CSRNP3: variants seen among roughly 807,000 people sequenced by gnomAD.
CSRNP3 encodes cysteine and serine rich nuclear protein 3, also known as cysteine/serine-rich nuclear protein 3.
In CSRNP3, 12 loss-of-function variants were observed where a neutral mutation model predicts 48.0. That is an observed-to-expected ratio of 0.25 (90% CI 0.16 to 0.41). CSRNP3 has a LOEUF of 0.41. CSRNP3 is among the 10% of genes least tolerant of loss of function. The pLI, the probability that CSRNP3 is intolerant of heterozygous loss-of-function variation, is 1.00. For synonymous variants in CSRNP3, 263 were observed against 269.7 expected, an observed-to-expected ratio of 0.98 and a Z score of 0.24; for missense variants, 580 against 724.4, an observed-to-expected ratio of 0.80 and a Z score of 2.29.
chr2:165,492,255 T>C (rs1326288401), intron 1 of CSRNP3, among the ~76,000 whole-genome samples: 1 of 152,180 alleles, frequency 6.6e-6, no homozygotes, highest in Non-Finnish European at 1.5e-5. Flanking sequence ...GCTAATGAGT[T>C]GTCCCTTTAA....
Position 165,664,710 on chromosome 2 carries a change from G to T in CSRNP3, c.408+6690G>T, listed in dbSNP as rs558613617. Among the ~76,000 whole-genome samples, 44 of 152,212 alleles carry T rather than the reference G, an allele frequency of 2.9e-4. No individual in the cohort carries two copies. In the East Asian group the frequency reaches 8.1e-3, roughly 28 times the overall value. On this transcript the variant is annotated intron_variant, in intron 5 of 6. Transcript: ENST00000651982. ...ATAATATGGTACTTGACCTGGACAT[G>T]GTGCTCCAGGAATATGTTACGTTAT...
intron 4 of CSRNP3, among the ~76,000 whole-genome samples, chr2:165,624,265 G>C (rs1429689716): frequency 6.6e-6 from 1 of 152,074 alleles, no homozygotes; most frequent in African/African-American, 2.4e-5. Flanking sequence ...AGGTAAAATA[G>C]ACTCAGACTT....
intron 3 of CSRNP3, among the ~76,000 whole-genome samples, chr2:165,524,660 G>T (rs893844486): frequency 6.6e-6 from 1 of 152,010 alleles, no homozygotes; most frequent in East Asian, 1.9e-4. Flanking sequence ...CTACAGTTTT[G>T]CCTTTTCTAG....
Position 165,521,318 on chromosome 2 carries a change from C to T in CSRNP3, c.-24+3357C>T, listed in dbSNP as rs116861334. On this transcript the variant is annotated intron_variant, in intron 3 of 6. Transcript: ENST00000651982. ...GAGCTTTGTTGTACTCATCTGGAAA[C>T]GTCAATGGAAAGAACTAGAAACTCT... Among the ~76,000 whole-genome samples, 127 of 152,270 alleles carry T rather than the reference C, an allele frequency of 8.3e-4. 1 individual carries two copies. The East Asian group carries it at 0.015, about 18-fold the overall frequency.
chr2:165,671,150 G>A (rs6747478), intron 5 of CSRNP3, among the ~76,000 whole-genome samples: 3,609 of 152,292 alleles, frequency 0.024, 137 homozygotes, highest in African/African-American at 0.083. Context: ...GGCTCTGTAA[G>A]TATGTCTTAG....
At chr2:165,471,698 G>A (rs1008712890) in intron 1 of CSRNP3, among the ~76,000 whole-genome samples, 8 of 151,912 alleles carry the variant, frequency 5.3e-5, no homozygotes, top group Non-Finnish European at 5.9e-5. Flanking sequence ...ACATATTTTG[G>A]ATGAAAAGTA....
At chr2:165,509,471 G>C (rs1025183475) in intron 2 of CSRNP3, among the ~76,000 whole-genome samples, 20 of 152,298 alleles carry the variant, frequency 1.3e-4, no homozygotes, top group African/African-American at 4.8e-4. Context: ...GGTGGTAGCT[G>C]TGGAGATGAT....
intron 1 of CSRNP3, among the ~76,000 whole-genome samples, chr2:165,485,954 A>C (rs1025136742): frequency 3.9e-5 from 6 of 152,190 alleles, no homozygotes; most frequent in African/African-American, 1.4e-4. Context: ...AAGATGGCCG[A>C]ATAGGAACAG....
chr2:165,530,705 T>A (rs10191308), intron 3 of CSRNP3, among the ~76,000 whole-genome samples: 64,943 of 151,850 alleles, frequency 0.43, 14,016 homozygotes, highest in African/African-American at 0.45. Context: ...TCTCTATTTT[T>A]AGCACAGCTG....
intron 2 of CSRNP3, among the ~76,000 whole-genome samples, chr2:165,514,832 C>T (rs1414155301): frequency 6.6e-6 from 1 of 152,204 alleles, no homozygotes; most frequent in Non-Finnish European, 1.5e-5. Context: ...GGTTACAAGG[C>T]TTGCACCACC....
intron 1 of CSRNP3, among the ~76,000 whole-genome samples, chr2:165,478,064 G>A (rs1173587946): frequency 6.6e-6 from 1 of 151,620 alleles, no homozygotes; most frequent in South Asian, 2.1e-4. Context: ...GGAAAGAAAC[G>A]AAAGAAAGGT....
At chr2:165,559,605 G>A (rs1406774269) in intron 3 of CSRNP3, among the ~76,000 whole-genome samples, 1 of 152,046 alleles carries the variant, frequency 6.6e-6, no homozygotes, top group Non-Finnish European at 1.5e-5. Context: ...GAAACTAATA[G>A]TGGTGCTAAT....
Position 165,559,839 on chromosome 2 carries a change from G to A in CSRNP3, c.-23-35204G>A, listed in dbSNP as rs367797731. Among the ~76,000 whole-genome samples the A allele has an allele frequency of 8.1e-3, 951 of 117,968 alleles. 14 individuals carry two copies. In the Middle Eastern group the frequency reaches 0.1, roughly 12 times the overall value. 77.4% of individuals were successfully genotyped at this position (117,968 alleles called of 152,430 possible). A position where few individuals can be genotyped will look rare whatever the true frequency, so the allele number is the denominator to read the frequency against. On this transcript the variant is annotated intron_variant, in intron 3 of 6. Coordinates refer to ENST00000651982, the MANE Select transcript of CSRNP3 (RefSeq NM_001172173.2). ...TTTTGAGATGGAGTCTCACTCTGTCGCCCAGGCTGGAGTGCAGTGGCACGA... is the reference window on the plus strand; with the variant it reads ...TTTTGAGATGGAGTCTCACTCTGTCACCCAGGCTGGAGTGCAGTGGCACGA...
At chr2:165,523,510 A>G (rs1172086805) in intron 3 of CSRNP3, among the ~76,000 whole-genome samples, 1 of 152,160 alleles carries the variant, frequency 6.6e-6, no homozygotes, top group African/African-American at 2.4e-5. Context: ...TTCTAACCCC[A>G]TTTAACAGAG....
At chr2:165,640,671 T>C (rs1157719087) in intron 4 of CSRNP3, among the ~76,000 whole-genome samples, 1 of 152,148 alleles carries the variant, frequency 6.6e-6, no homozygotes, top group Non-Finnish European at 1.5e-5. Context: ...GTTTGGATCC[T>C]GGGAGCAGCT....
intron 4 of CSRNP3, among the ~76,000 whole-genome samples, chr2:165,613,192 A>G (rs1191757755): frequency 6.6e-6 from 1 of 152,078 alleles, no homozygotes; most frequent in African/African-American, 2.4e-5. Flanking sequence ...GCATTTTTTA[A>G]TAATACTTGT....
chr2:165,679,163 G>A lies in CSRNP3; in HGVS notation c.1168G>A (p.Gly390Arg), dbSNP rs1687482487. 1.9e-6 allele frequency: 3 copies of A among 1,613,890 alleles called. No individual in the cohort carries two copies. The highest frequency in any genetic ancestry group is 2.2e-5 in the South Asian group (2 of 91,064). The change falls in exon 7 of 7, where the codon GGA becomes AGA. Residue 390 changes from glycine (G) to arginine (R), a missense_variant. Coordinates refer to ENST00000651982, the MANE Select transcript of CSRNP3 (RefSeq NM_001172173.2). ...EEEEDDDDDKGDGFVEGLGTH... is the reference protein window; with the variant it reads ...EEEEDDDDDKRDGFVEGLGTH... ...GGAGGAGGATGACGATGATGACAAA[G>A]GAGATGGCTTCGTGGAAGGTTTGGG...
chr2:165,609,465 G>GAAAAAAAAAAAAAAAAAAAAA (rs34249194), intron 4 of CSRNP3, among the ~76,000 whole-genome samples: 1 of 97,570 alleles, frequency 1.0e-5, no homozygotes, highest in Non-Finnish European at 1.9e-5. Context: ...TCTAAAAAAA[G>GAAAAAAAAAAAAAAAAAAAAA]AAAAAAAAAA....
intron 4 of CSRNP3, among the ~76,000 whole-genome samples, chr2:165,614,299 CT>C (rs1212279375): frequency 1.3e-5 from 2 of 152,072 alleles, no homozygotes; most frequent in Admixed American, 1.3e-4. Context: ...CGACTTTACT[CT>C]TAATTTATTT....
Sources: allele counts gnomAD v4.1 joint callset (sites outside exome capture counted in the v4.1 genomes callset), GRCh38; gene constraint gnomAD v4.1.1; transcripts MANE v1.5; gene names NCBI Gene and HGNC (gene_info 2026-07-23, HGNC 2026-07-21).